Variants in TEK observed in about 807,000 individuals in gnomAD.
TEK encodes angiopoietin-1 receptor.
A neutral mutation model predicts 131.8 loss-of-function variants in TEK; 43 were observed. That is an observed-to-expected ratio of 0.33 (90% CI 0.26 to 0.42). The LOEUF (loss-of-function observed/expected upper bound fraction) is 0.42, where lower values mean the gene tolerates loss of function less well. TEK is among the 10% of genes least tolerant of loss of function. The pLI is 1.00. For synonymous variants in TEK, 580 were observed against 491.6 expected (o/e 1.18, Z -2.38); for missense variants, 1,162 against 1,384.4 (o/e 0.84, Z 2.55).
In TEK at chr9:27,173,355, C is replaced by T. The variant is rs1824037220; in HGVS notation, c.894C>T (p.Cys298=). 1.2e-6 allele frequency: 2 copies of T among 1,613,786 alleles called. No homozygotes were observed. Among genetic ancestry groups the T allele is most frequent in the Admixed American group, 3.3e-5 (2 of 59,980 alleles). ...CCACAGGCTGGAAGGGTCTGCAGTGCAATGAAGGTATGCACCAATCACACC... is the reference window on the plus strand; with the variant it reads ...CCACAGGCTGGAAGGGTCTGCAGTGTAATGAAGGTATGCACCAATCACACC... ...SCATGWKGLQ[C]NEACHPGFYG... The change falls in exon 6 of 23, where the codon TGC becomes TGT. Residue 298 remains cysteine (C), a synonymous_variant. Transcript: ENST00000380036.
intron 1 of TEK, among the ~76,000 whole-genome samples, chr9:27,142,894 A>C (rs1410601976): frequency 6.6e-6 from 1 of 152,210 alleles, no homozygotes; most frequent in Non-Finnish European, 1.5e-5. Flanking sequence ...AATGCACGTT[A>C]AAGTAACTAG....
intron 2 of TEK, 123 bp downstream of exon 2, chr9:27,158,265 G>A: frequency 8.5e-7 from 1 of 1,174,866 alleles, no homozygotes; most frequent in Non-Finnish European, 1.3e-6. Flanking sequence ...TGACGATCTT[G>A]CCTGTCTCTT....
At chr9:27,228,568 C>T (rs1826430591) in intron 22 of TEK, among the ~76,000 whole-genome samples, 1 of 152,062 alleles carries the variant, frequency 6.6e-6, no homozygotes, top group Non-Finnish European at 1.5e-5. Context: ...GAATTTTCGT[C>T]ATATAGCCTG....
At chr9:27,131,798 T>TTTTG (rs953308380) in intron 1 of TEK, among the ~76,000 whole-genome samples, 3 of 151,714 alleles carry the variant, frequency 2.0e-5, no homozygotes, top group African/African-American at 7.3e-5. Context: ...CAGAGTGAGA[T>TTTTG]TTTGTTTAAA....
At chr9:27,134,991 G>A (rs983032980) in intron 1 of TEK, among the ~76,000 whole-genome samples, 8 of 152,142 alleles carry the variant, frequency 5.3e-5, no homozygotes, top group Non-Finnish European at 7.3e-5. Context: ...TTCGGAGGCT[G>A]AGGCAGGTGG....
At chr9:27,187,489 A>G (rs1389873342) in intron 9 of TEK, among the ~76,000 whole-genome samples, 2 of 152,170 alleles carry the variant, frequency 1.3e-5, no homozygotes, top group Non-Finnish European at 2.9e-5. Flanking sequence ...CAAAAAAGAC[A>G]TCTTCAAGAA....
intron 6 of TEK, among the ~76,000 whole-genome samples, chr9:27,175,558 G>A (rs1484347819): frequency 1.3e-5 from 2 of 152,050 alleles, no homozygotes; most frequent in African/African-American, 4.8e-5. Context: ...CTGAGGAATC[G>A]CCACACTGAC....
intron 18 of TEK, among the ~76,000 whole-genome samples, chr9:27,217,400 C>T (rs946724345): frequency 1.3e-5 from 2 of 152,168 alleles, no homozygotes; most frequent in African/African-American, 2.4e-5. Flanking sequence ...CCCTTTCAAG[C>T]CTCGGAGTGC....
intron 6 of TEK, among the ~76,000 whole-genome samples, chr9:27,175,579 G>A (rs1824137519): frequency 6.6e-6 from 1 of 151,956 alleles, no homozygotes; most frequent in Non-Finnish European, 1.5e-5. Flanking sequence ...TTCCACAATG[G>A]TTGAACTAGT....
intron 1 of TEK, among the ~76,000 whole-genome samples, chr9:27,125,556 A>C (rs1008627110): frequency 6.6e-6 from 1 of 152,318 alleles, no homozygotes; most frequent in South Asian, 2.1e-4. Flanking sequence ...TTGAGAACAC[A>C]GACTCCGGTG....
intron 2 of TEK, among the ~76,000 whole-genome samples, chr9:27,165,404 G>A (rs961768448): frequency 6.6e-6 from 1 of 152,118 alleles, no homozygotes; most frequent in Admixed American, 6.5e-5. Context: ...TCTAAATGAA[G>A]CACTTGGCAA....
rs754655302 is a variant in TEK, at chr9:27,157,881, G to A, written c.103G>A (p.Val35Ile). 3 of 1,613,876 alleles carry A rather than the reference G, an allele frequency of 1.9e-6. No homozygotes were observed. The highest frequency in any genetic ancestry group is 1.3e-5 in the African/African-American group (1 of 74,848). ...DLILINSLPL[V>I]SDAETSLTCI... The stretch of plus-strand genomic sequence containing the variant: ...GATCTTGATCAATTCCCTACCTCTT[G>A]TATCTGATGCTGAAACATCTCTCAC... The change falls in exon 2 of 23, where the codon GTA becomes ATA. Residue 35 changes from valine (V) to isoleucine (I), a missense_variant. By Grantham distance (29) the Val-to-Ile change is conservative. Around this residue, in one of 6 missense-constraint regions of TEK, gnomAD observed 436 missense variants for 539.1 expected, o/e 0.81. Coordinates refer to ENST00000380036, the MANE Select transcript of TEK (RefSeq NM_000459.5).
At chr9:27,199,187 C>T (rs1212861609) in intron 12 of TEK, among the ~76,000 whole-genome samples, 2 of 152,134 alleles carry the variant, frequency 1.3e-5, no homozygotes, top group African/African-American at 2.4e-5. Flanking sequence ...TGAATTTTAT[C>T]GATCCATGTT....
chr9:27,168,660 A>T, intron 3 of TEK, 55 bp downstream of exon 3: 2 of 1,249,048 alleles, frequency 1.6e-6, no homozygotes, highest in South Asian at 2.5e-5. Flanking sequence ...CAGATAACAT[A>T]CAACATATTG....
In TEK at chr9:27,145,764, C is replaced by A. The variant is rs141995094; in HGVS notation, c.53-12067C>A. Among the ~76,000 whole-genome samples the A allele has an allele frequency of 2.2e-3, 333 of 152,272 alleles. 1 individual carries two copies. The highest frequency in any genetic ancestry group is 7.4e-3 in the African/African-American group (306 of 41,544). ...AATGAGTAGTCTGTCAAACACAGTGCTTGGTGCTGGGGCGTTGAAGACAGA... is the reference window on the plus strand; with the variant it reads ...AATGAGTAGTCTGTCAAACACAGTGATTGGTGCTGGGGCGTTGAAGACAGA... On this transcript the variant is annotated intron_variant, in intron 1 of 22. Transcript: ENST00000380036.
At chr9:27,188,856 C>T (rs1824698877) in intron 9 of TEK, among the ~76,000 whole-genome samples, 1 of 152,076 alleles carries the variant, frequency 6.6e-6, no homozygotes, top group Non-Finnish European at 1.5e-5. Context: ...GTAGAATGTA[C>T]AGTTCACGAA....
intron 9 of TEK, among the ~76,000 whole-genome samples, chr9:27,187,363 T>C (rs1172551220): frequency 6.6e-6 from 1 of 152,232 alleles, no homozygotes; most frequent in Non-Finnish European, 1.5e-5. Flanking sequence ...AGTGTACAGA[T>C]TGATACAGTC....
chr9:27,130,162 A>G (rs575026162), intron 1 of TEK, among the ~76,000 whole-genome samples: 63 of 152,364 alleles, frequency 4.1e-4, no homozygotes, highest in African/African-American at 1.5e-3. Flanking sequence ...TAGGTGGAAT[A>G]TGCTACTGTA....
intron 1 of TEK, among the ~76,000 whole-genome samples, chr9:27,130,284 A>G (rs139519158): frequency 6.6e-6 from 1 of 152,318 alleles, no homozygotes; most frequent in African/African-American, 2.4e-5. Context: ...ATACAAATCA[A>G]TGGAGAAAGA....
Sources: gnomAD v4.1 joint callset for allele counts (sites outside exome capture counted in the v4.1 genomes callset) on GRCh38, gnomAD v4.1.1 for gene constraint, gnomAD v4.1.1 regional missense constraint, MANE v1.5 for transcripts, NCBI Gene and HGNC (gene_info 2026-07-23, HGNC 2026-07-21) for gene names.